ZFHX4: variants seen among roughly 807,000 people sequenced by gnomAD.
The protein encoded by ZFHX4 is zinc finger homeobox protein 4.
In ZFHX4, 56 loss-of-function variants were observed where a neutral mutation model predicts 267.6. That is an observed-to-expected ratio of 0.21 (90% confidence interval 0.17 to 0.26). The LOEUF is 0.26. ZFHX4 is among the 10% of genes least tolerant of loss of function. The pLI, the probability that ZFHX4 is intolerant of heterozygous loss-of-function variation, is 1.00. For synonymous variants in ZFHX4, 1,778 were observed against 1,665.6 expected, an observed-to-expected ratio of 1.07 and a Z score of -1.64; for missense variants, 4,332 against 4,420.0, an observed-to-expected ratio of 0.98 and a Z score of 0.56.
intron 5 of ZFHX4, among the ~76,000 whole-genome samples, chr8:76,835,217 A>C (rs1264202495): frequency 9.6e-6 from 1 of 104,356 alleles, no homozygotes; most frequent in African/African-American, 5.0e-5. Context: ...GTGTATATAT[A>C]TGTATATATA....
chr8:76,690,955 T>C (rs1212636498), intron 1 of ZFHX4, among the ~76,000 whole-genome samples: 1 of 152,014 alleles, frequency 6.6e-6, no homozygotes, highest in Non-Finnish European at 1.5e-5. Context: ...CTTACGATCA[T>C]TCAGTTCAAT....
chr8:76,857,695 C>T (rs905717170), intron 10 of ZFHX4, among the ~76,000 whole-genome samples: 1 of 152,004 alleles, frequency 6.6e-6, no homozygotes, highest in Non-Finnish European at 1.5e-5. Context: ...AACTGTCATA[C>T]CAACTTCCCT....
intron 3 of ZFHX4, among the ~76,000 whole-genome samples, chr8:76,768,061 T>C (rs2131743544): frequency 6.6e-6 from 1 of 152,264 alleles, no homozygotes; most frequent in Non-Finnish European, 1.5e-5. Context: ...ACATTTGGAT[T>C]GGGCTTTAAA....
At chr8:76,796,273 AT>A in intron 4 of ZFHX4, among the ~76,000 whole-genome samples, 1 of 152,206 alleles carries the variant, frequency 6.6e-6, no homozygotes, top group Non-Finnish European at 1.5e-5. Context: ...CACATAGTAT[AT>A]TTATAGAAAT....
chr8:76,774,347 TC>T (rs1484419307), intron 3 of ZFHX4, among the ~76,000 whole-genome samples: 4 of 152,156 alleles, frequency 2.6e-5, no homozygotes, highest in Admixed American at 6.6e-5. Context: ...TCTTTTTCCA[TC>T]CATTTCATTC....
At chr8:76,706,915 C>A (rs138862832) in intron 2 of ZFHX4, among the ~76,000 whole-genome samples, 1 of 152,180 alleles carries the variant, frequency 6.6e-6, no homozygotes, top group Non-Finnish European at 1.5e-5. Context: ...CAAACTTTGT[C>A]TTCATTCAGT....
chr8:76,734,477 C>T (rs888292773), intron 3 of ZFHX4, among the ~76,000 whole-genome samples: 2 of 152,096 alleles, frequency 1.3e-5, no homozygotes, highest in Non-Finnish European at 2.9e-5. Flanking sequence ...GTAATTTGCA[C>T]TGACATTTGA....
chr8:76,748,425 T>G (rs1319052062), intron 3 of ZFHX4, among the ~76,000 whole-genome samples: 1 of 152,242 alleles, frequency 6.6e-6, no homozygotes, highest in South Asian at 2.1e-4. Context: ...GTTTTTATAT[T>G]ATTGTTTTAT....
At position 76,853,020 on chromosome 8, in the gene ZFHX4, T is replaced by C; in HGVS notation, c.6099T>C (p.Thr2033=). 6.6e-7 allele frequency: 1 copy of C among 1,515,800 alleles called. No homozygotes were observed. The highest frequency in any genetic ancestry group is 1.7e-4 in the Middle Eastern group (1 of 5,898). The allele number at this position is 1,515,800 out of a possible 1,614,324, so 93.9% of individuals were successfully genotyped here. The part of the protein sequence containing the change: ...GPVKIPNTVS[T]PLQAPPPTPP... ...TAAAGATCCCCAACACGGTTTCTAC[T>C]CCTCTGCAAGCTCCACCACCCACTC... Residue 2033 remains threonine (T), a synonymous_variant, in exon 10 of 11, where the codon ACT becomes ACC. Coordinates refer to ENST00000651372, the MANE Select transcript of ZFHX4 (RefSeq NM_024721.5).
At chr8:76,700,896 G>A (rs1176634620) in intron 1 of ZFHX4, among the ~76,000 whole-genome samples, 2 of 152,156 alleles carry the variant, frequency 1.3e-5, no homozygotes, top group African/African-American at 4.8e-5. Context: ...ACCTTAAATG[G>A]TGAAGGAACT....
At chr8:76,777,651 G>T (rs2131770172) in intron 3 of ZFHX4, among the ~76,000 whole-genome samples, 1 of 152,190 alleles carries the variant, frequency 6.6e-6, no homozygotes, top group Non-Finnish European at 1.5e-5. Context: ...GTCCCAGATT[G>T]TTTTTGCTTT....
chr8:76,708,878 C>A (rs1460770148), intron 3 of ZFHX4, among the ~76,000 whole-genome samples: 1 of 152,124 alleles, frequency 6.6e-6, no homozygotes, highest in Non-Finnish European at 1.5e-5. Context: ...ACATTCATTA[C>A]TATGATGAAT....
At chr8:76,781,722 C>T (rs1039525392) in intron 4 of ZFHX4, among the ~76,000 whole-genome samples, 1 of 152,034 alleles carries the variant, frequency 6.6e-6, no homozygotes, top group Non-Finnish European at 1.5e-5. Context: ...TTTCTACTGG[C>T]ATTTCCTTAC....
intron 3 of ZFHX4, among the ~76,000 whole-genome samples, chr8:76,743,266 T>C (rs1210043915): frequency 6.6e-6 from 1 of 152,186 alleles, no homozygotes; most frequent in Admixed American, 6.5e-5. Flanking sequence ...GAACTTCTGA[T>C]TGGAGAAACT....
At position 76,856,115 on chromosome 8, in the gene ZFHX4, A is replaced by G. The variant is rs1215730305; in HGVS notation, c.9194A>G (p.Asp3065Gly). The G allele has an allele frequency of 3.1e-6, 5 of 1,613,936 alleles. No homozygotes were observed. In the East Asian group the frequency reaches 1.1e-4, roughly 36 times the overall value. The change falls in exon 10 of 11, where the codon GAT becomes GGT. Residue 3065 changes from aspartate (D) to glycine (G), a missense_variant. Physicochemically the swap from Asp to Gly is moderately conservative, Grantham distance 94. Transcript: ENST00000651372. The stretch of plus-strand genomic sequence containing the variant: ...CAGCTGATGGCACAGCAAGAACTTG[A>G]TCGTATAAAGAAAGCTTCAGACGTG... ...VRQLMAQQEL[D>G]RIKKASDVLG... is the part of the protein sequence containing the mutation.
At chr8:76,795,316 T>C (rs2131814777) in intron 4 of ZFHX4, among the ~76,000 whole-genome samples, 1 of 152,240 alleles carries the variant, frequency 6.6e-6, no homozygotes, top group African/African-American at 2.4e-5. Context: ...CTCTGTAGCC[T>C]AGGCTAGAGT....
chr8:76,753,474 C>A lies in ZFHX4; in HGVS notation c.3094-24734C>A, dbSNP rs149865835. ...ACAAATTAGCCAAAAGAAAAATAAG[C>A]TAAACAGCACTAATCAATTCAAAAT... On this transcript the variant is annotated intron_variant, in intron 3 of 10. Transcript: ENST00000651372. Among the ~76,000 whole-genome samples the A allele has an allele frequency of 2.4e-3, 358 of 152,058 alleles. 3 individuals are homozygous for A. The highest frequency in any genetic ancestry group is 4.2e-3 in the Non-Finnish European group (285 of 67,970).
At chr8:76,736,022 T>G (rs1809149524) in intron 3 of ZFHX4, among the ~76,000 whole-genome samples, 1 of 152,088 alleles carries the variant, frequency 6.6e-6, no homozygotes, top group South Asian at 2.1e-4. Context: ...CTCTGTAATT[T>G]AGTCTTAAGA....
intron 3 of ZFHX4, among the ~76,000 whole-genome samples, chr8:76,757,195 G>A (rs1335988569): frequency 2.0e-5 from 3 of 152,096 alleles, no homozygotes; most frequent in Non-Finnish European, 4.4e-5. Flanking sequence ...TTCTAACTGG[G>A]CTCGCAGTCT....
Sources: allele counts gnomAD v4.1 joint callset (sites outside exome capture counted in the v4.1 genomes callset), GRCh38; gene constraint gnomAD v4.1.1; transcripts MANE v1.5; gene names NCBI Gene and HGNC (gene_info 2026-07-23, HGNC 2026-07-21).